Variants in HMCN1 observed in about 807,000 individuals in gnomAD.
HMCN1 encodes the protein hemicentin-1.
A neutral mutation model predicts 625.9 loss-of-function variants in HMCN1; 321 were observed. The observed-to-expected ratio is 0.51, with a 90% CI of 0.47 to 0.56. The LOEUF is 0.56. HMCN1 is among the 20% of genes least tolerant of loss of function. The pLI is 0.00. For missense variants in HMCN1, 6,588 were observed against 6,887.3 expected, an observed-to-expected ratio of 0.96 and a Z score of 1.54; for synonymous variants, 2,425 against 2,417.6, an observed-to-expected ratio of 1.00 and a Z score of -0.09.
chr1:186,111,308 T>C (rs1201136881), intron 71 of HMCN1, among the ~76,000 whole-genome samples: 1 of 151,968 alleles, frequency 6.6e-6, no homozygotes, highest in Non-Finnish European at 1.5e-5. Context: ...TAATGAGACT[T>C]AATAAGTTAG....
chr1:185,943,506 AG>A (rs1161180445), intron 11 of HMCN1, among the ~76,000 whole-genome samples: 1 of 152,190 alleles, frequency 6.6e-6, no homozygotes, highest in East Asian at 1.9e-4. Flanking sequence ...GGGAAAAAAT[AG>A]TTTTTTCCTT....
intron 68 of HMCN1, among the ~76,000 whole-genome samples, chr1:186,100,714 G>T (rs1467748735): frequency 6.6e-6 from 1 of 152,172 alleles, no homozygotes. Flanking sequence ...GTGAATTACA[G>T]AGTTGAAATA....
chr1:185,817,106 G>A (rs950109489), intron 1 of HMCN1, among the ~76,000 whole-genome samples: 1 of 152,188 alleles, frequency 6.6e-6, no homozygotes, highest in African/African-American at 2.4e-5. Context: ...TGTAGTAGGT[G>A]TGATGGTAGA....
At chr1:185,868,195 A>G (rs911006626) in intron 4 of HMCN1, among the ~76,000 whole-genome samples, 5 of 152,110 alleles carry the variant, frequency 3.3e-5, no homozygotes, top group Non-Finnish European at 7.4e-5. Flanking sequence ...TGGGAATGTG[A>G]CTCCATTTAT....
chr1:185,783,199 G>A (rs187030179), intron 1 of HMCN1, among the ~76,000 whole-genome samples: 1 of 152,062 alleles, frequency 6.6e-6, no homozygotes. Flanking sequence ...AGCTCCATCA[G>A]GTCATTTAAG....
chr1:185,866,512 C>T (rs1663215897), intron 4 of HMCN1, among the ~76,000 whole-genome samples: 1 of 148,862 alleles, frequency 6.7e-6, no homozygotes, highest in Non-Finnish European at 1.5e-5. Context: ...TCACGCCATT[C>T]TCCTGCCTCA....
intron 11 of HMCN1, among the ~76,000 whole-genome samples, chr1:185,940,782 A>G (rs1300796498): frequency 1.3e-5 from 2 of 149,944 alleles, no homozygotes; most frequent in Non-Finnish European, 3.0e-5. Context: ...TTTTTTTTTG[A>G]GACAAAGTCT....
At position 186,064,809 on chromosome 1, in the gene HMCN1, CA is replaced by C. The variant is rs541377417; in HGVS notation, c.7514-410del. 5.6e-3 allele frequency among the ~76,000 whole-genome samples: 535 copies of C among 95,534 alleles called. 5 individuals are homozygous for C. The highest frequency in any genetic ancestry group is 0.051 in the East Asian group (181 of 3,548). The allele number at this position is 95,534 out of a possible 152,430, so 62.7% of individuals were successfully genotyped here. A position where few individuals can be genotyped will look rare whatever the true frequency, so the allele number is the denominator to read the frequency against. ...TGGGTCACAGAGTGAGACTTCATCT[CA>C]AAAAAAAAAAAAAAAAAAGTATATG... On this transcript the variant is annotated intron_variant, in intron 48 of 106. Coordinates refer to ENST00000271588, the MANE Select transcript of HMCN1 (RefSeq NM_031935.3).
intron 104 of HMCN1, among the ~76,000 whole-genome samples, chr1:186,180,477 A>G (rs1291395384): frequency 2.0e-5 from 3 of 152,152 alleles, no homozygotes; most frequent in Admixed American, 6.5e-5. Flanking sequence ...ACTATACACC[A>G]TTAGCTGGTT....
At chr1:186,070,910 A>G (rs1474677590) in intron 52 of HMCN1, among the ~76,000 whole-genome samples, 153 bp downstream of exon 52, 3 of 152,206 alleles carry the variant, frequency 2.0e-5, no homozygotes, top group African/African-American at 7.2e-5. Flanking sequence ...AACTTAAAAA[A>G]AAAACCCAAC....
intron 11 of HMCN1, among the ~76,000 whole-genome samples, chr1:185,954,443 G>C (rs10489717): frequency 6.6e-6 from 1 of 151,796 alleles, no homozygotes; most frequent in Non-Finnish European, 1.5e-5. Flanking sequence ...TTGCATAAAC[G>C]TATCACTAGG....
chr1:185,817,158 AG>A (rs1159777431), intron 1 of HMCN1, among the ~76,000 whole-genome samples: 1 of 152,224 alleles, frequency 6.6e-6, no homozygotes, highest in Non-Finnish European at 1.5e-5. Flanking sequence ...CAGCTCACCC[AG>A]AGTCCAGCAG....
At chr1:186,091,427 T>C (rs191557091) in intron 64 of HMCN1, among the ~76,000 whole-genome samples, 1 of 152,024 alleles carries the variant, frequency 6.6e-6, no homozygotes, top group Non-Finnish European at 1.5e-5. Context: ...TTTGTTCAGA[T>C]GCCATTTTCA....
chr1:185,869,515 A>G (rs1185010827), intron 4 of HMCN1, among the ~76,000 whole-genome samples: 1 of 152,130 alleles, frequency 6.6e-6, no homozygotes, highest in Non-Finnish European at 1.5e-5. Context: ...TCTGATTGTT[A>G]CTTGGAAATA....
At chr1:185,877,552 G>A (rs1303845076) in intron 4 of HMCN1, among the ~76,000 whole-genome samples, 1 of 151,428 alleles carries the variant, frequency 6.6e-6, no homozygotes, top group Non-Finnish European at 1.5e-5. Context: ...ATTGCTCTGG[G>A]CATTATGGGC....
rs543213159 is a variant in HMCN1 at position 186,114,926 on chromosome 1, G to T, written c.11384G>T (p.Arg3795Leu). 2 of 1,614,098 alleles carry T rather than the reference G, an allele frequency of 1.2e-6. No homozygotes were observed. Among genetic ancestry groups the T allele is most frequent in the Non-Finnish European group, 1.7e-6 (2 of 1,180,012 alleles). The change falls in exon 74 of 107, where the codon CGA (arginine) becomes CTA (leucine). Residue 3795 changes from arginine to leucine, a missense_variant. Arg to Leu is a moderately radical substitution (Grantham distance 102). Coordinates refer to ENST00000271588, the MANE Select transcript of HMCN1 (RefSeq NM_031935.3). ...AATGCTGCTGGAACAGATCGCAGGC[G>T]AATAGATTTACAGGTCCATGGTAAA... ...ATNAAGTDRRRIDLQVHVPPS... is the reference protein window; with the variant it reads ...ATNAAGTDRRLIDLQVHVPPS...
rs367790421 is a variant in HMCN1 at position 186,045,692 on chromosome 1, G to T, written c.6309G>T (p.Pro2103=). ...GAAAACCCATCTTTCATGTAGTTCC[G>T]CCAAATATTATGGGAGAAGAACAGA... The part of the protein sequence containing the change: ...QRDIDLRVYV[P]PNIMGEEQNV... Residue 2103 remains proline (P), a synonymous_variant, in exon 41 of 107, where the codon CCG becomes CCT. Coordinates refer to ENST00000271588, the MANE Select transcript of HMCN1 (RefSeq NM_031935.3). 1 of 1,612,614 alleles carries T rather than the reference G, an allele frequency of 6.2e-7. No homozygotes were observed. Among genetic ancestry groups the T allele is most frequent in the African/African-American group, 1.3e-5 (1 of 74,826 alleles).
intron 75 of HMCN1, 125 bp from the exon 76 acceptor site, chr1:186,116,869 T>A: frequency 8.9e-7 from 1 of 1,118,650 alleles, no homozygotes. Flanking sequence ...GGACATGATG[T>A]TAATTTTAAC....
At chr1:186,115,067 T>C in intron 74 of HMCN1, 121 bp downstream of exon 74, 1 of 1,468,506 alleles carries the variant, frequency 6.8e-7, no homozygotes, top group East Asian at 2.3e-5. Flanking sequence ...CATTATGGTA[T>C]GAATAGCAAG....
Sources: allele counts gnomAD v4.1 joint callset (sites outside exome capture counted in the v4.1 genomes callset), GRCh38; gene constraint gnomAD v4.1.1; transcripts MANE v1.5; gene names NCBI Gene and HGNC (gene_info 2026-07-23, HGNC 2026-07-21).